The following DYNC2H1 variants were observed in gnomAD, a reference collection of about 807,000 sequenced individuals.
DYNC2H1 encodes the protein cytoplasmic dynein 2 heavy chain 1.
DYNC2H1 carries 410 observed loss-of-function variants against 570.0 expected under a neutral mutation model. The ratio of observed to expected loss-of-function variants is 0.72; its 90% CI spans 0.66 to 0.78. The LOEUF (loss-of-function observed/expected upper bound fraction) is 0.78, where lower values mean the gene tolerates loss of function less well. Ranked by LOEUF, DYNC2H1 falls within the 30% of genes least tolerant of loss-of-function variation. The probability of loss-of-function intolerance (pLI) is 0.00; values close to 1 mark genes in which losing one functional copy is unlikely to be tolerated. For missense variants in DYNC2H1, 4,865 were observed against 5,046.4 expected (o/e 0.96, Z 1.09); for synonymous variants, 1,688 against 1,677.6 (o/e 1.01, Z -0.15).
intron 83 of DYNC2H1, among the ~76,000 whole-genome samples, chr11:103,381,126 T>C (rs1941626938): frequency 1.3e-5 from 2 of 152,184 alleles, no homozygotes; most frequent in Admixed American, 6.5e-5. Flanking sequence ...ATTAAGAAGA[T>C]TGAGACCTGA....
At chr11:103,260,953 G>A (rs1211686049) in intron 70 of DYNC2H1, among the ~76,000 whole-genome samples, 3 of 151,806 alleles carry the variant, frequency 2.0e-5, no homozygotes, top group Non-Finnish European at 2.9e-5. Context: ...CAATCTGTGG[G>A]TATAGCTTAA....
chr11:103,165,057 G>A (rs974957133), intron 30 of DYNC2H1, among the ~76,000 whole-genome samples: 11 of 152,084 alleles, frequency 7.2e-5, no homozygotes, highest in Non-Finnish European at 1.2e-4. Context: ...TTGTTTGGGC[G>A]ATGAATTTGC....
At chr11:103,250,224 C>T (rs1186170897) in intron 65 of DYNC2H1, among the ~76,000 whole-genome samples, 3 of 151,822 alleles carry the variant, frequency 2.0e-5, no homozygotes, top group Non-Finnish European at 2.9e-5. Flanking sequence ...TTTTCAATGT[C>T]TGTTGGCTTT....
Position 103,400,354 on chromosome 11 carries a change from G to T in DYNC2H1, c.12366+482G>T, listed in dbSNP as rs1166230158. ...TCACTGACCAGAGCTTCAGCCAAAT[G>T]CCTCTTCCTGGAGCTGGGGATGGAT... On this transcript the variant is annotated intron_variant, in intron 84 of 88. Transcript: ENST00000375735. Among the ~76,000 whole-genome samples, 3 of 152,260 alleles carry T rather than the reference G, an allele frequency of 2.0e-5. No homozygotes were observed. In the East Asian group the frequency reaches 5.8e-4, roughly 29 times the overall value.
chr11:103,412,583 G>T (rs1468363856), intron 84 of DYNC2H1, among the ~76,000 whole-genome samples: 2 of 152,032 alleles, frequency 1.3e-5, no homozygotes, highest in East Asian at 3.9e-4. Context: ...ATATCTATTG[G>T]TTATACATTT....
intron 70 of DYNC2H1, among the ~76,000 whole-genome samples, chr11:103,263,100 C>A (rs1002586821): frequency 1.4e-5 from 2 of 142,660 alleles, no homozygotes; most frequent in African/African-American, 5.2e-5. Flanking sequence ...GAACAAAGAT[C>A]AAAAAAGACA....
intron 72 of DYNC2H1, 41 bp downstream of exon 72, chr11:103,282,270 A>G: frequency 2.5e-6 from 4 of 1,586,174 alleles, no homozygotes; most frequent in Non-Finnish European, 3.4e-6. Context: ...CTTAAAGAAA[A>G]TATTTCTGGC....
Position 103,154,763 on chromosome 11 carries a change from A to C in DYNC2H1, c.3527A>C (p.His1176Pro), listed in dbSNP as rs1270437222. The C allele has an allele frequency of 6.4e-7, 1 of 1,565,448 alleles. No homozygotes were observed. Among genetic ancestry groups the C allele is most frequent in the African/African-American group, 1.4e-5 (1 of 73,798 alleles). The change falls in exon 24 of 89, where the codon CAT becomes CCT. Residue 1176 changes from histidine (H) to proline (P), a missense_variant. Transcript: ENST00000375735. ...GACAGATTAAGGAAGGTTGAAGAACATTCAGTGATGACAGTGAAATTACAA... is the reference window on the plus strand; with the variant it reads ...GACAGATTAAGGAAGGTTGAAGAACCTTCAGTGATGACAGTGAAATTACAA... ...WHDRLRKVEE[H>P]SVMTVKLQSE...
chr11:103,280,535 T>G lies in DYNC2H1; in HGVS notation c.10761+122T>G. 4.5e-6 allele frequency: 4 copies of G among 888,644 alleles called. No individual in the cohort carries two copies. Among genetic ancestry groups the G allele is most frequent in the Middle Eastern group, 3.3e-4 (1 of 2,994 alleles). The allele number at this position is 888,644 out of a possible 1,614,324, so 55.0% of individuals were successfully genotyped here. On this transcript the variant is annotated intron_variant, in intron 71 of 88. Coordinates refer to ENST00000375735, the MANE Select transcript of DYNC2H1 (RefSeq NM_001377.3). This position sits in a 1 kb window ranked among gnomAD's most constrained non-coding sequence, Gnocchi z 4.7. ...ATATATCAACCTATTAATCTTTTAC[T>G]AAGTTAGAAATGTAGTATAAAATGG... is the stretch of plus-strand genomic sequence containing the variant.
chr11:103,372,032 CTTT>C (rs1156605664), intron 83 of DYNC2H1, among the ~76,000 whole-genome samples: 1,892 of 37,938 alleles, frequency 0.05, 73 homozygotes, highest in African/African-American at 0.19. Flanking sequence ...TTGTCTTGTT[CTTT>C]TTTTTTTTTT....
Position 103,302,964 on chromosome 11 carries a change from A to G in DYNC2H1, c.11096-129A>G, listed in dbSNP as rs1867110120. On this transcript the variant is annotated intron_variant, in intron 75 of 88. Transcript: ENST00000375735. Reference sequence around the variant, plus strand: ...ACTAGTATATTATTTTAGAGTAGAAAAACTTTAATGTATTATGAGATTACA... The same window carrying G: ...ACTAGTATATTATTTTAGAGTAGAAGAACTTTAATGTATTATGAGATTACA... 6.2e-6 allele frequency: 4 copies of G among 641,608 alleles called. No individual in the cohort carries two copies. In the South Asian group the frequency reaches 2.8e-4, roughly 44 times the overall value. 39.7% of individuals were successfully genotyped at this position (641,608 alleles called of 1,614,324 possible). A position where few individuals can be genotyped will look rare whatever the true frequency, so the allele number is the denominator to read the frequency against.
At chr11:103,259,554 T>C (rs913229745) in intron 69 of DYNC2H1, among the ~76,000 whole-genome samples, 5 of 152,124 alleles carry the variant, frequency 3.3e-5, no homozygotes, top group Admixed American at 1.3e-4. Context: ...TTGATAATTA[T>C]AATATAAATA....
In DYNC2H1 at chr11:103,463,205, G is replaced by A. The variant is rs538758521; in HGVS notation, c.12649-5384G>A. ...TAAAAAAAGGAAATCACAAACCTTAGCTGGCTTGAAATACAAGATAAGTAT... is the reference window on the plus strand; with the variant it reads ...TAAAAAAAGGAAATCACAAACCTTAACTGGCTTGAAATACAAGATAAGTAT... On this transcript the variant is annotated intron_variant, in intron 87 of 88. Coordinates refer to ENST00000375735, the MANE Select transcript of DYNC2H1 (RefSeq NM_001377.3). Among the ~76,000 whole-genome samples the A allele has an allele frequency of 2.0e-5, 3 of 152,216 alleles. No individual in the cohort carries two copies. In the East Asian group the frequency reaches 5.8e-4, roughly 29 times the overall value.
chr11:103,137,945 C>A (rs1393327044), intron 17 of DYNC2H1, among the ~76,000 whole-genome samples: 1 of 150,472 alleles, frequency 6.6e-6, no homozygotes, highest in Non-Finnish European at 1.5e-5. Context: ...TCCTTCACGT[C>A]CCTTGTAAGT....
In DYNC2H1 at chr11:103,479,268, A is replaced by G. The variant is rs1412326709; in HGVS notation, c.*15A>G. On this transcript the variant is annotated 3_prime_UTR_variant, in exon 89 of 89. Transcript: ENST00000375735. ...AAAATCAGTAGAATCTAATGACAAC[A>G]AAAGCCATCTTCACAAAAGGGAACA... 2 of 1,602,856 alleles carry G rather than the reference A, an allele frequency of 1.2e-6. No individual in the cohort carries two copies. The highest frequency in any genetic ancestry group is 1.7e-5 in the Admixed American group (1 of 58,918).
At chr11:103,377,926 A>G (rs1280127208) in intron 83 of DYNC2H1, among the ~76,000 whole-genome samples, 6 of 100,782 alleles carry the variant, frequency 6.0e-5, no homozygotes, top group Non-Finnish European at 1.3e-4. Flanking sequence ...TAGTAGAGAC[A>G]GGGTTTCACC....
chr11:103,220,513 TAG>T, intron 56 of DYNC2H1, 108 bp from the exon 57 acceptor site: 1 of 1,065,892 alleles, frequency 9.4e-7, no homozygotes, highest in East Asian at 2.7e-5. Context: ...GAGAGAACAT[TAG>T]TAACTATAGT....
rs1452596317 is a variant in DYNC2H1, at chr11:103,465,538, A to G, written c.12649-3051A>G. On this transcript the variant is annotated intron_variant, in intron 87 of 88. Coordinates refer to ENST00000375735, the MANE Select transcript of DYNC2H1 (RefSeq NM_001377.3). The surrounding 1 kb of genome is among the most constrained non-coding windows in gnomAD (Gnocchi z 4.9). ...CAAAACTTAGTGGCTTAGAATACCA[A>G]TTTATTATTTTCTCACAATTCTGTG... Among the ~76,000 whole-genome samples the G allele has an allele frequency of 6.6e-6, 1 of 152,042 alleles. No individual in the cohort carries two copies. The highest frequency in any genetic ancestry group is 1.5e-5 in the Non-Finnish European group (1 of 67,998).
chr11:103,117,560 G>A (rs1390400077), intron 5 of DYNC2H1, 71 bp from the exon 6 acceptor site: 7 of 1,211,342 alleles, frequency 5.8e-6, no homozygotes, highest in East Asian at 5.2e-5. Context: ...ATTGTCATAA[G>A]CATGTATTTT....
Sources: gnomAD v4.1 joint callset for allele counts (sites outside exome capture counted in the v4.1 genomes callset) on GRCh38, gnomAD v4.1.1 for gene constraint, Gnocchi (gnomAD v3.1) non-coding constraint, MANE v1.5 for transcripts, NCBI Gene and HGNC (gene_info 2026-07-23, HGNC 2026-07-21) for gene names.